Variants in NRG3 observed in about 807,000 individuals in gnomAD.
NRG3 encodes neuregulin 3, also known as pro-neuregulin-3, membrane-bound isoform.
In NRG3, 31 loss-of-function variants were observed where a neutral mutation model predicts 66.9. The ratio of observed to expected loss-of-function variants is 0.46; its 90% CI spans 0.35 to 0.63. The LOEUF (loss-of-function observed/expected upper bound fraction) is 0.63, where lower values mean the gene tolerates loss of function less well. Ranked by LOEUF, NRG3 falls within the 20% of genes least tolerant of loss-of-function variation. The probability of loss-of-function intolerance (pLI) is 0.00; values close to 1 mark genes in which losing one functional copy is unlikely to be tolerated. For synonymous variants in NRG3, 393 were observed against 359.4 expected, an observed-to-expected ratio of 1.09 and a Z score of -1.06; for missense variants, 910 against 878.9, an observed-to-expected ratio of 1.04 and a Z score of -0.45.
chr10:82,758,110 T>C (rs997281976), intron 3 of NRG3, among the ~76,000 whole-genome samples: 15 of 152,176 alleles, frequency 9.9e-5, no homozygotes, highest in Middle Eastern at 3.4e-3. Context: ...ACAGTTGAGG[T>C]AGAAGAGAGA....
intron 1 of NRG3, chr10:82,230,019 G>A (rs2076377344): frequency 6.6e-6 from 1 of 152,110 alleles, no homozygotes; most frequent in South Asian, 2.1e-4. Context: ...GAAAAGTTCA[G>A]CATATGCATA....
At chr10:82,701,659 A>T (rs2055890495) in intron 2 of NRG3, among the ~76,000 whole-genome samples, 1 of 152,172 alleles carries the variant, frequency 6.6e-6, no homozygotes, top group South Asian at 2.1e-4. Flanking sequence ...TTGGATAGTC[A>T]ATTTCTTGGT....
In NRG3 at chr10:81,898,146, C is replaced by G. The variant is rs529831044; in HGVS notation, c.823+21983C>G. ...CCTGTTAGGAGGGTGGCCCCTGGAA[C>G]TAGGAAGTGGAAGTACCTCAGTGCA... On this transcript the variant is annotated intron_variant, in intron 1 of 8. Transcript: ENST00000372141. 2.0e-4 allele frequency among the ~76,000 whole-genome samples: 30 copies of G among 152,218 alleles called. 1 individual carries two copies. In the South Asian group the frequency reaches 4.1e-3, roughly 21 times the overall value.
intron 1 of NRG3, among the ~76,000 whole-genome samples, chr10:82,018,251 G>A (rs77748400): frequency 0.06 from 9,158 of 152,156 alleles, 355 homozygotes; most frequent in East Asian, 0.15. Flanking sequence ...TTGCAGATGT[G>A]TGGTATTGTT....
At chr10:82,097,145 T>G (rs1248655280) in intron 1 of NRG3, among the ~76,000 whole-genome samples, 3 of 152,052 alleles carry the variant, frequency 2.0e-5, no homozygotes, top group Non-Finnish European at 2.9e-5. Flanking sequence ...TTTTGTTACC[T>G]GTTCCTATAA....
chr10:82,193,716 A>G (rs2074290611), intron 1 of NRG3, among the ~76,000 whole-genome samples: 1 of 152,182 alleles, frequency 6.6e-6, no homozygotes, highest in African/African-American at 2.4e-5. Context: ...TTTGGCTTGG[A>G]AGTTACTGGA....
At chr10:82,620,051 C>T (rs1360450847) in intron 2 of NRG3, among the ~76,000 whole-genome samples, 1 of 152,164 alleles carries the variant, frequency 6.6e-6, no homozygotes, top group Non-Finnish European at 1.5e-5. Flanking sequence ...ACAAAGAATG[C>T]ACTTTGGGCA....
intron 2 of NRG3, among the ~76,000 whole-genome samples, chr10:82,640,096 A>C (rs1856602): frequency 6.6e-6 from 1 of 152,038 alleles, no homozygotes; most frequent in Non-Finnish European, 1.5e-5. Context: ...GCAGAGGACA[A>C]GATTGTATTC....
intron 1 of NRG3, among the ~76,000 whole-genome samples, chr10:82,280,607 T>C (rs1451814037): frequency 6.6e-6 from 1 of 152,184 alleles, no homozygotes; most frequent in Non-Finnish European, 1.5e-5. Context: ...TTTTTGATGG[T>C]CATTGTAGGC....
chr10:82,373,826 T>G (rs1478393290), intron 2 of NRG3, among the ~76,000 whole-genome samples: 1 of 152,220 alleles, frequency 6.6e-6, no homozygotes, highest in Non-Finnish European at 1.5e-5. Context: ...GCTCTTTCCT[T>G]TCTGCCTGGG....
chr10:82,614,965 A>G lies in NRG3; in HGVS notation c.954-123612A>G, dbSNP rs188522527. ...GACCATGCTTTCAAGACCACTGCCTACAGTTTCCCTTATGTTTATTGATAA... is the reference window on the plus strand; with the variant it reads ...GACCATGCTTTCAAGACCACTGCCTGCAGTTTCCCTTATGTTTATTGATAA... On this transcript the variant is annotated intron_variant, in intron 2 of 8. Transcript: ENST00000372141. 2.1e-3 allele frequency among the ~76,000 whole-genome samples: 325 copies of G among 151,926 alleles called. 1 individual carries two copies. The highest frequency in any genetic ancestry group is 6.9e-3 in the African/African-American group (287 of 41,486).
At chr10:82,512,232 A>G (rs1845246782) in intron 2 of NRG3, among the ~76,000 whole-genome samples, 1 of 151,538 alleles carries the variant, frequency 6.6e-6, no homozygotes, top group Non-Finnish European at 1.5e-5. Context: ...TATATATATA[A>G]TGAATATACA....
At chr10:82,170,351 G>A (rs747845517) in intron 1 of NRG3, among the ~76,000 whole-genome samples, 15 of 151,974 alleles carry the variant, frequency 9.9e-5, no homozygotes, top group Non-Finnish European at 2.9e-5. Context: ...CTTCAGATTA[G>A]TAGTTACTTG....
intron 2 of NRG3, among the ~76,000 whole-genome samples, chr10:82,441,884 A>G (rs1264109631): frequency 6.6e-6 from 1 of 152,138 alleles, no homozygotes; most frequent in Non-Finnish European, 1.5e-5. Context: ...TTAGTCCATA[A>G]TGCCTGGCAT....
At chr10:82,055,792 G>A (rs2063818772) in intron 1 of NRG3, among the ~76,000 whole-genome samples, 1 of 152,160 alleles carries the variant, frequency 6.6e-6, no homozygotes, top group South Asian at 2.1e-4. Flanking sequence ...TTATGTCGAT[G>A]AGAAGGGCTG....
intron 4 of NRG3, among the ~76,000 whole-genome samples, chr10:82,916,904 C>G (rs574667704): frequency 4.6e-5 from 7 of 152,336 alleles, no homozygotes; most frequent in African/African-American, 1.7e-4. Context: ...GCGTAAGCCA[C>G]TTCACCCAGC....
chr10:82,875,531 A>T (rs966039115), intron 4 of NRG3, among the ~76,000 whole-genome samples: 4 of 151,764 alleles, frequency 2.6e-5, no homozygotes, highest in Non-Finnish European at 5.9e-5. Context: ...CTAATTTTTT[A>T]TTTTTTTGTA....
intron 3 of NRG3, among the ~76,000 whole-genome samples, chr10:82,850,323 A>C (rs1053974022): frequency 6.6e-6 from 1 of 152,152 alleles, no homozygotes. Context: ...CCTCCCACTC[A>C]TGTCTTTGAT....
chr10:82,752,975 T>A (rs2058933713), intron 3 of NRG3, among the ~76,000 whole-genome samples: 1 of 152,242 alleles, frequency 6.6e-6, no homozygotes. Context: ...TTTGGTTTAT[T>A]TGCTGTTTAA....
Sources: gnomAD v4.1 joint callset for allele counts (sites outside exome capture counted in the v4.1 genomes callset) on GRCh38, gnomAD v4.1.1 for gene constraint, MANE v1.5 for transcripts, NCBI Gene and HGNC (gene_info 2026-07-23, HGNC 2026-07-21) for gene names.